The following CD200R1 variants were observed in gnomAD, a reference collection of about 807,000 sequenced individuals.
CD200R1 encodes the protein CD200 receptor 1.
A neutral mutation model predicts 38.1 loss-of-function variants in CD200R1; 30 were observed. That is an observed-to-expected ratio of 0.79 (90% CI 0.59 to 1.07). The LOEUF (loss-of-function observed/expected upper bound fraction) is 1.07. Ranked by LOEUF, CD200R1 falls within the 50% of genes least tolerant of loss-of-function variation. The pLI, the probability that CD200R1 is intolerant of heterozygous loss-of-function variation, is 0.00. For synonymous variants in CD200R1, 128 were observed against 152.1 expected (o/e 0.84, Z 1.16); for missense variants, 372 against 415.4 (o/e 0.90, Z 0.91).
intron 5 of CD200R1, among the ~76,000 whole-genome samples, chr3:112,927,869 A>G (rs1226903751): frequency 6.6e-6 from 1 of 152,210 alleles, no homozygotes; most frequent in African/African-American, 2.4e-5. Flanking sequence ...AAGGAAACAA[A>G]AAAGGTAAAG....
chr3:112,958,682 G>A (rs12494693), intron 1 of CD200R1, among the ~76,000 whole-genome samples: 71,421 of 151,846 alleles, frequency 0.47, 16,752 homozygotes, highest in South Asian at 0.51. Flanking sequence ...CAGAAACATT[G>A]GGTTTTAACA....
intron 2 of CD200R1, among the ~76,000 whole-genome samples, chr3:112,936,029 T>A (rs1180674703): frequency 6.6e-6 from 1 of 152,190 alleles, no homozygotes; most frequent in African/African-American, 2.4e-5. Flanking sequence ...CAGCTCCCAC[T>A]TATAAGTGAG....
intron 1 of CD200R1, among the ~76,000 whole-genome samples, chr3:112,957,485 A>G (rs1230728572): frequency 6.6e-6 from 1 of 152,208 alleles, no homozygotes; most frequent in African/African-American, 2.4e-5. Context: ...CATACACAAA[A>G]AAAATTACCT....
At position 112,932,345 on chromosome 3, in the gene CD200R1, C is replaced by T. The variant is rs539435464; in HGVS notation, c.137-1174G>A. Reference sequence around the variant, plus strand: ...CAATCCCCTCTCCCCACACTTCCAGCCAGAGAAACAGTCTGGCAGTCCTAC... The same window carrying T: ...CAATCCCCTCTCCCCACACTTCCAGTCAGAGAAACAGTCTGGCAGTCCTAC... On this transcript the variant is annotated intron_variant, in intron 2 of 7. Transcript: ENST00000308611. Among the ~76,000 whole-genome samples the T allele has an allele frequency of 3.9e-5, 6 of 152,248 alleles. No individual in the cohort carries two copies. In the South Asian group the frequency reaches 8.3e-4, roughly 21 times the overall value.
At chr3:112,941,221 A>C (rs1310013700) in intron 2 of CD200R1, among the ~76,000 whole-genome samples, 1 of 151,654 alleles carries the variant, frequency 6.6e-6, no homozygotes, top group Non-Finnish European at 1.5e-5. Context: ...TAGGATGAGC[A>C]AGTTCTATTG....
chr3:112,968,883 A>G (rs961446081), intron 1 of CD200R1, among the ~76,000 whole-genome samples: 4 of 152,198 alleles, frequency 2.6e-5, no homozygotes, highest in African/African-American at 9.7e-5. Flanking sequence ...CAGCAATATA[A>G]CAGAATCTGT....
chr3:112,942,739 G>GAT (rs1330106958), intron 2 of CD200R1, among the ~76,000 whole-genome samples: 8 of 151,344 alleles, frequency 5.3e-5, no homozygotes, highest in African/African-American at 1.9e-4. Flanking sequence ...GAAATCTAAA[G>GAT]AGATATATAT....
At position 112,922,981 on chromosome 3, in the gene CD200R1, A is replaced by C. The variant is rs904510821; in HGVS notation, c.*696T>G. 2.0e-5 allele frequency: 3 copies of C among 151,970 alleles called. No homozygotes were observed. Among genetic ancestry groups the C allele is most frequent in the African/African-American group, 7.2e-5 (3 of 41,452 alleles). The allele number at this position is 151,970 out of a possible 1,614,324, so 9.4% of individuals were successfully genotyped here. ...TCAAAAACAAAGAGATATATGCACAAGAAACATTCTATGTGGTATTGTTTA... is the reference window on the plus strand; with the variant it reads ...TCAAAAACAAAGAGATATATGCACACGAAACATTCTATGTGGTATTGTTTA... On this transcript the variant is annotated 3_prime_UTR_variant, in exon 8 of 8. Transcript: ENST00000308611.
intron 1 of CD200R1, among the ~76,000 whole-genome samples, chr3:112,967,095 T>C (rs1006958076): frequency 3.3e-5 from 5 of 152,106 alleles, no homozygotes; most frequent in African/African-American, 1.2e-4. Context: ...CCCTTCTCTG[T>C]CTCTTTCCCT....
At chr3:112,925,004 C>A (rs1205200351) in intron 6 of CD200R1, 81 bp downstream of exon 6, 3 of 804,864 alleles carry the variant, frequency 3.7e-6, no homozygotes, top group Admixed American at 4.3e-5. Context: ...CCTAATATAC[C>A]CAATACGGTC....
chr3:112,964,949 T>C (rs1168760450), intron 1 of CD200R1, among the ~76,000 whole-genome samples: 2 of 152,206 alleles, frequency 1.3e-5, no homozygotes, highest in African/African-American at 4.8e-5. Context: ...GTTTTAAAAA[T>C]GGGAGTTTCC....
At position 112,923,662 on chromosome 3, in the gene CD200R1, C is replaced by T. The variant is rs1940217954; in HGVS notation, c.*15G>A. The T allele has an allele frequency of 1.6e-6, 2 of 1,259,882 alleles. No homozygotes were observed. Among genetic ancestry groups the T allele is most frequent in the Admixed American group, 1.8e-5 (1 of 56,030 alleles). 78.0% of individuals were successfully genotyped at this position (1,259,882 alleles called of 1,614,324 possible). A position where few individuals can be genotyped will look rare whatever the true frequency, so the allele number is the denominator to read the frequency against. On this transcript the variant is annotated 3_prime_UTR_variant, in exon 8 of 8. Coordinates refer to ENST00000308611, the MANE Select transcript of CD200R1 (RefSeq NM_138806.4). ...TCTCGTTTGTTGTTGTTTCTTGGTA[C>T]TAGAGTCCAACAACTTATAAAGTAT... is the stretch of plus-strand genomic sequence containing the variant.
intron 1 of CD200R1, among the ~76,000 whole-genome samples, chr3:112,953,059 A>G (rs965948340): frequency 6.6e-6 from 1 of 152,120 alleles, no homozygotes; most frequent in South Asian, 2.1e-4. Flanking sequence ...AAGGCTTTCC[A>G]TTTTCCCCCA....
At chr3:112,946,419 A>G (rs929482648) in intron 2 of CD200R1, among the ~76,000 whole-genome samples, 1 of 152,204 alleles carries the variant, frequency 6.6e-6, no homozygotes, top group African/African-American at 2.4e-5. Context: ...GACATATCCG[A>G]TAAAAGACTG....
chr3:112,952,142 T>C (rs1940982613), intron 1 of CD200R1, among the ~76,000 whole-genome samples: 1 of 151,972 alleles, frequency 6.6e-6, no homozygotes, highest in African/African-American at 2.4e-5. Flanking sequence ...GATAATCACA[T>C]ATGTCAATGG....
intron 2 of CD200R1, among the ~76,000 whole-genome samples, chr3:112,932,170 C>T (rs889830307): frequency 2.6e-5 from 4 of 152,242 alleles, no homozygotes; most frequent in East Asian, 1.9e-4. Flanking sequence ...AGCAAGGGGC[C>T]ACCATGGACT....
chr3:112,957,918 A>AGAT (rs1489570937), intron 1 of CD200R1, among the ~76,000 whole-genome samples: 13 of 152,202 alleles, frequency 8.5e-5, no homozygotes, highest in African/African-American at 2.7e-4. Flanking sequence ...AAATAAATGC[A>AGAT]GATATAAAAC....
rs140598590 is a variant in CD200R1, at chr3:112,928,877, G to A, written c.708C>T (p.Thr236=). 4.2e-5 allele frequency: 68 copies of A among 1,613,708 alleles called. No individual in the cohort carries two copies. In the African/African-American group the frequency reaches 7.6e-4, roughly 18 times the overall value. ...TCHWEVHNVS[T]VTCHVSHLTG... ...TCAAATGGGAGACGTGGCAGGTCAC[G>A]GTAGACACATTGTGGACCTCCCAGT... The change falls in exon 5 of 8, where the codon ACC becomes ACT. Residue 236 remains threonine (T), a synonymous_variant. Transcript: ENST00000308611.
chr3:112,922,958 A>G lies in CD200R1; in HGVS notation c.*719T>C, dbSNP rs1043558972. The G allele has an allele frequency of 1.3e-5, 2 of 152,088 alleles. No individual in the cohort carries two copies. Among genetic ancestry groups the G allele is most frequent in the Admixed American group, 1.3e-4 (2 of 15,240 alleles). The allele number at this position is 152,088 out of a possible 1,614,324, so 9.4% of individuals were successfully genotyped here. A position where few individuals can be genotyped will look rare whatever the true frequency, so the allele number is the denominator to read the frequency against. Reference sequence around the variant, plus strand: ...AGAAAGTTATCCTACAGATATACTCAAAAACAAAGAGATATATGCACAAGA... The same window carrying G: ...AGAAAGTTATCCTACAGATATACTCGAAAACAAAGAGATATATGCACAAGA... On this transcript the variant is annotated 3_prime_UTR_variant, in exon 8 of 8. Coordinates refer to ENST00000308611, the MANE Select transcript of CD200R1 (RefSeq NM_138806.4).
Sources: gnomAD v4.1 joint callset for allele counts (sites outside exome capture counted in the v4.1 genomes callset) on GRCh38, gnomAD v4.1.1 for gene constraint, MANE v1.5 for transcripts, NCBI Gene and HGNC (gene_info 2026-07-23, HGNC 2026-07-21) for gene names.